STK32B: variants seen among roughly 807,000 people sequenced by gnomAD.
STK32B encodes serine/threonine-protein kinase 32B.
A neutral mutation model predicts 52.6 loss-of-function variants in STK32B; 43 were observed. The ratio of observed to expected loss-of-function variants is 0.82; its 90% CI spans 0.64 to 1.05. STK32B has a LOEUF of 1.05. STK32B is among the 50% of genes least tolerant of loss of function. STK32B has a pLI of 0.00. For missense variants in STK32B, 621 were observed against 534.6 expected (o/e 1.16, Z -1.59); for synonymous variants, 238 against 204.3 (o/e 1.17, Z -1.41).
chr4:5,333,797 C>CG (rs201130307), intron 4 of STK32B, among the ~76,000 whole-genome samples: 2 of 151,942 alleles, frequency 1.3e-5, no homozygotes, highest in African/African-American at 2.4e-5. Flanking sequence ...AGATATGCGG[C>CG]TTATTTCTGA....
intron 6 of STK32B, among the ~76,000 whole-genome samples, chr4:5,425,211 G>A (rs541359772): frequency 1.3e-4 from 20 of 152,364 alleles, no homozygotes; most frequent in Admixed American, 1.1e-3. Context: ...GGCCAAGTGA[G>A]CAGAATGAGC....
chr4:5,067,462 T>A (rs1742466304), intron 1 of STK32B, among the ~76,000 whole-genome samples: 1 of 152,196 alleles, frequency 6.6e-6, no homozygotes, highest in Non-Finnish European at 1.5e-5. Flanking sequence ...TCATTATAGC[T>A]GCTGGTTCTT....
intron 3 of STK32B, among the ~76,000 whole-genome samples, chr4:5,229,369 T>C (rs982695012): frequency 4.6e-5 from 7 of 152,218 alleles, no homozygotes; most frequent in African/African-American, 1.7e-4. Flanking sequence ...TGTATCCATG[T>C]AACAAAACTG....
intron 1 of STK32B, among the ~76,000 whole-genome samples, chr4:5,138,810 G>T (rs1008595142): frequency 2.6e-5 from 4 of 152,212 alleles, no homozygotes; most frequent in African/African-American, 4.8e-5. Flanking sequence ...GAGAACAAGG[G>T]TAGGGCAAGG....
rs1412605937 is a variant in STK32B at position 5,434,454 on chromosome 4, G to GTGTGTA, written c.563-12218_563-12217insGTGTAT. Among the ~76,000 whole-genome samples, 723 of 131,236 alleles carry GTGTGTA rather than the reference G, an allele frequency of 5.5e-3. 12 individuals carry two copies. The highest frequency in any genetic ancestry group is 0.02 in the African/African-American group (692 of 35,018). 86.1% of individuals were successfully genotyped at this position (131,236 alleles called of 152,430 possible). ...TGTATGTGTGTGTGTGTGTGTGTGT[G>GTGTGTA]TATATATATATATATATATGATTTT... On this transcript the variant is annotated intron_variant, in intron 6 of 11. Transcript: ENST00000282908.
At chr4:5,314,696 G>A (rs774381710) in intron 3 of STK32B, among the ~76,000 whole-genome samples, 52 of 152,108 alleles carry the variant, frequency 3.4e-4, no homozygotes, top group Non-Finnish European at 4.6e-4. Flanking sequence ...ATGGATCATG[G>A]ATTGGAGTGT....
the STK32B span, among the ~76,000 whole-genome samples, chr4:5,028,384 C>A: frequency 6.6e-6 from 1 of 152,210 alleles, no homozygotes; most frequent in African/African-American, 2.4e-5. Flanking sequence ...ATGTTCAGTT[C>A]TTTCTCTCCT....
chr4:5,035,605 A>G, the STK32B span, among the ~76,000 whole-genome samples: 4 of 152,130 alleles, frequency 2.6e-5, no homozygotes, highest in African/African-American at 9.7e-5. Context: ...ATTAGGATGG[A>G]GTCGCTTCCA....
chr4:5,289,761 TC>T (rs1252387455), intron 3 of STK32B, among the ~76,000 whole-genome samples: 6 of 144,762 alleles, frequency 4.1e-5, no homozygotes, highest in Non-Finnish European at 9.0e-5. Flanking sequence ...GCCAGGATGG[TC>T]TTGATCTCTT....
intron 3 of STK32B, among the ~76,000 whole-genome samples, chr4:5,215,974 C>G (rs561079280): frequency 6.6e-6 from 1 of 152,306 alleles, no homozygotes; most frequent in African/African-American, 2.4e-5. Flanking sequence ...CTGCCTGTCC[C>G]TTATCCAAAG....
intron 1 of STK32B, among the ~76,000 whole-genome samples, chr4:5,085,377 A>C (rs1012761084): frequency 6.6e-6 from 1 of 152,208 alleles, no homozygotes; most frequent in Non-Finnish European, 1.5e-5. Flanking sequence ...AATATAGCAT[A>C]TTAAGGATTC....
chr4:5,359,300 TATTC>T (rs1734387810), intron 4 of STK32B, among the ~76,000 whole-genome samples: 1 of 152,188 alleles, frequency 6.6e-6, no homozygotes, highest in Non-Finnish European at 1.5e-5. Context: ...AAAGCTGAGC[TATTC>T]ATTCATCCAC....
intron 3 of STK32B, among the ~76,000 whole-genome samples, chr4:5,268,934 C>T (rs1007674769): frequency 5.9e-5 from 9 of 151,972 alleles, no homozygotes; most frequent in South Asian, 2.1e-4. Flanking sequence ...CCTGAGGGAT[C>T]GGAAGTAAAA....
At chr4:5,406,620 C>T (rs139258098) in intron 5 of STK32B, among the ~76,000 whole-genome samples, 154 of 152,324 alleles carry the variant, frequency 1.0e-3, no homozygotes, top group African/African-American at 3.5e-3. Flanking sequence ...GGTTTAACAT[C>T]ACATGGAAAC....
intron 11 of STK32B, among the ~76,000 whole-genome samples, chr4:5,481,759 G>T (rs1352126010): frequency 5.9e-5 from 9 of 152,262 alleles, no homozygotes; most frequent in African/African-American, 2.2e-4. Context: ...ATTAATTTTT[G>T]TATAAGGTGT....
chr4:5,371,873 A>T lies in STK32B; in HGVS notation c.435-26334A>T, dbSNP rs182815796. 3.8e-3 allele frequency among the ~76,000 whole-genome samples: 584 copies of T among 152,324 alleles called. 2 individuals are homozygous for T. Among genetic ancestry groups the T allele is most frequent in the Non-Finnish European group, 4.6e-3 (316 of 68,030 alleles). On this transcript the variant is annotated intron_variant, in intron 4 of 11. Coordinates refer to ENST00000282908, the MANE Select transcript of STK32B (RefSeq NM_018401.3). ...TCTGGAGGGAGTCTTTTCCCAATTC[A>T]GACAAAAGTACTGTGTAAGCTCATT...
chr4:5,245,831 A>G (rs1438885974), intron 3 of STK32B, among the ~76,000 whole-genome samples: 1 of 152,132 alleles, frequency 6.6e-6, no homozygotes, highest in Non-Finnish European at 1.5e-5. Flanking sequence ...TTCACTTATG[A>G]AGGTTAGTTT....
chr4:5,367,944 G>A (rs1469753438), intron 4 of STK32B, among the ~76,000 whole-genome samples: 1 of 152,126 alleles, frequency 6.6e-6, no homozygotes, highest in African/African-American at 2.4e-5. Flanking sequence ...CTGAGGTGGG[G>A]AGGGGGCTTC....
chr4:5,091,776 A>G (rs368377436), intron 1 of STK32B, among the ~76,000 whole-genome samples: 1 of 152,234 alleles, frequency 6.6e-6, no homozygotes, highest in African/African-American at 2.4e-5. Context: ...ATTATTCATA[A>G]TAGCCAACAA....
Sources: allele counts gnomAD v4.1 joint callset (sites outside exome capture counted in the v4.1 genomes callset), GRCh38; gene constraint gnomAD v4.1.1; transcripts MANE v1.5; gene names NCBI Gene and HGNC (gene_info 2026-07-23, HGNC 2026-07-21).